The following NME5 variants were observed in gnomAD, a reference collection of about 807,000 sequenced individuals.
The protein encoded by NME5 is NME/NM23 family member 5.
In NME5, 18 loss-of-function variants were observed where a neutral mutation model predicts 21.6. The observed-to-expected ratio is 0.83, with a 90% CI of 0.58 to 1.24. NME5 has a LOEUF of 1.24. Ranked by LOEUF, NME5 falls within the 50% of genes most tolerant of loss-of-function variation. The probability of loss-of-function intolerance (pLI) is 0.00; values close to 1 mark genes in which losing one functional copy is unlikely to be tolerated. For missense variants in NME5, 223 were observed against 255.4 expected (o/e 0.87, Z 0.86); for synonymous variants, 70 against 80.6 (o/e 0.87, Z 0.71).
chr5:138,120,230 CTTTTTTTTTTTT>C (rs59354099), intron 4 of NME5, among the ~76,000 whole-genome samples: 3 of 87,148 alleles, frequency 3.4e-5, no homozygotes, highest in Non-Finnish European at 6.5e-5. Flanking sequence ...GCTCCCAGCT[CTTTTTTTTTTTT>C]TTTTTTTTTT....
chr5:138,116,925 TAA>T (rs1336274300), intron 5 of NME5, among the ~76,000 whole-genome samples: 1 of 151,916 alleles, frequency 6.6e-6, no homozygotes, highest in African/African-American at 2.4e-5. Context: ...ATAAACATCT[TAA>T]AAGAGGCCAG....
At position 138,128,556 on chromosome 5, in the gene NME5, T is replaced by C. The variant is rs759277475; in HGVS notation, c.359A>G (p.Asp120Gly). The stretch of plus-strand genomic sequence containing the variant: ...CCCATGAAGTGCATTCCTTAGGTCA[T>C]CTGTGCCATAAATTGCCCTCAGACT... The part of the protein sequence containing the change: ...PDSLRAIYGT[D>G]DLRNALHGSN... Residue 120 changes from aspartate to glycine, a missense_variant, in exon 4 of 6, where the codon GAT becomes GGT. By Grantham distance (94) the Asp-to-Gly change is moderately conservative. Coordinates refer to ENST00000265191, the MANE Select transcript of NME5 (RefSeq NM_003551.3). 1.2e-5 allele frequency: 19 copies of C among 1,611,946 alleles called. No homozygotes were observed. Among genetic ancestry groups the C allele is most frequent in the Non-Finnish European group, 1.6e-5 (19 of 1,179,390 alleles).
At chr5:138,127,426 C>G (rs1172792449) in intron 4 of NME5, 1 of 957,214 alleles carries the variant, frequency 1.0e-6, no homozygotes, top group African/African-American at 1.8e-5. Context: ...AAAAATATAT[C>G]AGGAACTTTT....
chr5:138,124,606 G>A (rs1021111405), intron 4 of NME5, among the ~76,000 whole-genome samples: 2 of 151,932 alleles, frequency 1.3e-5, no homozygotes, highest in Admixed American at 6.6e-5. Flanking sequence ...CTGCGGCCTC[G>A]ACCTGCTGGG....
intron 4 of NME5, among the ~76,000 whole-genome samples, chr5:138,119,291 C>G (rs1379065563): frequency 1.3e-5 from 2 of 152,104 alleles, no homozygotes; most frequent in African/African-American, 4.8e-5. Context: ...CTGCAACCTC[C>G]AACTCCTGAG....
intron 2 of NME5, 137 bp from the exon 3 acceptor site, chr5:138,129,605 A>T: frequency 1.5e-6 from 1 of 648,600 alleles, no homozygotes; most frequent in Non-Finnish European, 2.7e-6. Flanking sequence ...AAGAAAGAAA[A>T]GGATATAATT....
At chr5:138,131,454 C>A (rs1268045884) in intron 2 of NME5, among the ~76,000 whole-genome samples, 1 of 151,158 alleles carries the variant, frequency 6.6e-6, no homozygotes, top group Admixed American at 6.6e-5. Context: ...GAGGCTGAAG[C>A]ATGAGAATTG....
At chr5:138,116,495 G>C (rs1751158147) in intron 5 of NME5, 3 of 152,192 alleles carry the variant, frequency 2.0e-5, no homozygotes, top group Admixed American at 2.0e-4. Context: ...CTTCTACAAA[G>C]CTACAGTAGT....
intron 2 of NME5, among the ~76,000 whole-genome samples, chr5:138,134,223 C>G (rs942433380): frequency 6.6e-6 from 1 of 151,752 alleles, no homozygotes; most frequent in Non-Finnish European, 1.5e-5. Context: ...TACAGGCATG[C>G]GCCACCACGC....
rs1366513597 is a variant in NME5, at chr5:138,115,320, T to C, written c.*361A>G. On this transcript the variant is annotated 3_prime_UTR_variant, in exon 6 of 6. Coordinates refer to ENST00000265191, the MANE Select transcript of NME5 (RefSeq NM_003551.3). The stretch of plus-strand genomic sequence containing the variant: ...ACAAAAGGACCTAAGCCTTTTAAAC[T>C]AGACTGTCTCAACTGTGCATTAATT... The C allele has an allele frequency of 6.3e-6, 1 of 157,754 alleles. No individual in the cohort carries two copies. The highest frequency in any genetic ancestry group is 2.4e-5 in the African/African-American group (1 of 41,590). The allele number at this position is 157,754 out of a possible 1,614,324, so 9.8% of individuals were successfully genotyped here.
At chr5:138,128,374 T>C in intron 4 of NME5, 105 bp downstream of exon 4, 2 of 875,596 alleles carry the variant, frequency 2.3e-6, no homozygotes, top group Non-Finnish European at 1.8e-6. Context: ...CAAAATATAC[T>C]GGAAAAAAAA....
At chr5:138,138,595 A>AT (rs879058228) in intron 2 of NME5, 57 bp downstream of exon 2, 48,287 of 1,038,476 alleles carry the variant, frequency 0.046, 1 homozygote, top group Non-Finnish European at 0.05. Flanking sequence ...TTACATAAGC[A>AT]TTTTTTTTTT....
rs946281489 is a variant in NME5 at position 138,131,289 on chromosome 5, G to A, written c.130-1821C>T. On this transcript the variant is annotated intron_variant, in intron 2 of 5. Transcript: ENST00000265191. Reference sequence around the variant, plus strand: ...CCAGGTGCTTGGGAGGCTGAGGCAGGAGAATCACTTGAACCCGGGAGGCAG... The same window carrying A: ...CCAGGTGCTTGGGAGGCTGAGGCAGAAGAATCACTTGAACCCGGGAGGCAG... 2.6e-5 allele frequency among the ~76,000 whole-genome samples: 4 copies of A among 151,518 alleles called. No homozygotes were observed. The South Asian group carries it at 8.3e-4, about 32-fold the overall frequency.
Position 138,133,267 on chromosome 5 carries a change from A to AT in NME5, c.130-3800dup, listed in dbSNP as rs553383909. On this transcript the variant is annotated intron_variant, in intron 2 of 5. Transcript: ENST00000265191. ...AGGAGCCTGCTACCACGCCCGGCTAATTTTTTTTTTTTGTATTTTTAGTAG... is the reference window on the plus strand; with the variant it reads ...AGGAGCCTGCTACCACGCCCGGCTAATTTTTTTTTTTTTGTATTTTTAGTAG... Among the ~76,000 whole-genome samples, 737 of 145,408 alleles carry AT rather than the reference A, an allele frequency of 5.1e-3. 7 individuals are homozygous for AT. Among genetic ancestry groups the AT allele is most frequent in the African/African-American group, 0.013 (505 of 39,840 alleles).
rs1282918566 is a variant in NME5, at chr5:138,128,487, A to C, written c.428T>G (p.Phe143Cys). 1.2e-6 allele frequency: 2 copies of C among 1,612,176 alleles called. No individual in the cohort carries two copies. Among genetic ancestry groups the C allele is most frequent in the Non-Finnish European group, 1.7e-6 (2 of 1,179,062 alleles). The change falls in exon 4 of 6, where the codon TTT becomes TGT. Residue 143 changes from phenylalanine to cysteine, a missense_variant. Physicochemically the swap from Phe to Cys is radical, Grantham distance 205. Coordinates refer to ENST00000265191, the MANE Select transcript of NME5 (RefSeq NM_003551.3). ...AAAEREIRFMFPEVIVEPIPI... is the reference protein window; with the variant it reads ...AAAEREIRFMCPEVIVEPIPI... ...AGTCATCTGTAACTCACCTTCAGGAAACATAAAACGTATTTCTCTTTCCGC... is the reference window on the plus strand; with the variant it reads ...AGTCATCTGTAACTCACCTTCAGGACACATAAAACGTATTTCTCTTTCCGC...
At chr5:138,122,350 G>A (rs112497457) in intron 4 of NME5, among the ~76,000 whole-genome samples, 302 of 145,292 alleles carry the variant, frequency 2.1e-3, no homozygotes, top group Non-Finnish European at 3.4e-3. Flanking sequence ...TGAAGCAGGA[G>A]AATCGCTTGA....
At chr5:138,120,230 CTTTTTTTTT>C (rs59354099) in intron 4 of NME5, among the ~76,000 whole-genome samples, 2 of 87,148 alleles carry the variant, frequency 2.3e-5, no homozygotes, top group African/African-American at 9.1e-5. Flanking sequence ...GCTCCCAGCT[CTTTTTTTTT>C]TTTTTTTTTT....
At position 138,115,775 on chromosome 5, in the gene NME5, A is replaced by G. The variant is rs1751144386; in HGVS notation, c.556-11T>C. ...ATCAGCTAGCCAAATCTATGGGAAA[A>G]AAAAAAACAACCTAAGTTAAGAAAC... On this transcript the variant is annotated splice_polypyrimidine_tract_variant and intron_variant, in intron 5 of 5. Transcript: ENST00000265191. 2.6e-6 allele frequency: 4 copies of G among 1,553,614 alleles called. No individual in the cohort carries two copies. Among genetic ancestry groups the G allele is most frequent in the Non-Finnish European group, 2.6e-6 (3 of 1,155,074 alleles).
intron 3 of NME5, 150 bp downstream of exon 3, chr5:138,129,113 A>G: frequency 6.9e-6 from 4 of 579,836 alleles, no homozygotes; most frequent in East Asian, 3.4e-5. Flanking sequence ...TGGACCCCCC[A>G]GGCCCTGCCA....
Sources: allele counts gnomAD v4.1 joint callset (sites outside exome capture counted in the v4.1 genomes callset), GRCh38; gene constraint gnomAD v4.1.1; transcripts MANE v1.5; gene names NCBI Gene and HGNC (gene_info 2026-07-23, HGNC 2026-07-21).